The following PZP variants were observed in gnomAD, a reference collection of about 807,000 sequenced individuals.
PZP encodes the protein pregnancy zone protein.
Under a neutral mutation model 179.8 loss-of-function variants are expected in PZP, and 150 were observed. The ratio of observed to expected loss-of-function variants is 0.83; its 90% CI spans 0.73 to 0.96. The LOEUF is 0.96. Among genes scored for constraint, PZP ranks in the 40% least tolerant of loss-of-function variants. The probability of loss-of-function intolerance (pLI) is 0.00; values close to 1 mark genes in which losing one functional copy is unlikely to be tolerated. For synonymous variants in PZP, 624 were observed against 652.3 expected (o/e 0.96, Z 0.66); for missense variants, 1,689 against 1,764.0 (o/e 0.96, Z 0.76).
chr12:9,202,581 G>A lies in PZP; in HGVS notation c.371C>T (p.Thr124Ile), dbSNP rs1359656480. The change falls in exon 3 of 36, where the codon ACC becomes ATC. Residue 124 changes from threonine (T) to isoleucine (I), a missense_variant. Transcript: ENST00000261336. The stretch of plus-strand genomic sequence containing the variant: ...TGTCTGGACAAAGACCAGACTTTGG[G>A]TGTTCAGTACCAGAACTGTGTTCCT... ...RKRNTVLVLN[T>I]QSLVFVQTDK... The A allele has an allele frequency of 6.2e-6, 10 of 1,614,088 alleles. No homozygotes were observed. The highest frequency in any genetic ancestry group is 7.6e-6 in the Non-Finnish European group (9 of 1,180,006).
At position 9,157,219 on chromosome 12, in the gene PZP, T is replaced by C; in HGVS notation, c.3506A>G (p.Asn1169Ser). The change falls in exon 28 of 36, where the codon AAT becomes AGT. Residue 1169 changes from asparagine (N) to serine (S), a missense_variant. Asn to Ser is a conservative substitution (Grantham distance 46). Coordinates refer to ENST00000261336, the MANE Select transcript of PZP (RefSeq NM_002864.3). ...ATCAAGTGAGTTCAGTATTTCTCTA[T>C]TCTGATTTTGCTTTCCCAGTAGGGA... Reference protein sequence around the residue: ...AFSLLGKQNQNREILNSLDKE... With the variant: ...AFSLLGKQNQSREILNSLDKE... 6.2e-7 allele frequency: 1 copy of C among 1,614,148 alleles called. No homozygotes were observed. Among genetic ancestry groups the C allele is most frequent in the Non-Finnish European group, 8.5e-7 (1 of 1,180,010 alleles).
intron 27 of PZP, 85 bp downstream of exon 27, chr12:9,157,682 T>C: frequency 8.1e-7 from 1 of 1,238,574 alleles, no homozygotes; most frequent in Non-Finnish European, 1.2e-6. Context: ...AAAAGATACT[T>C]GAGACTCAAC....
intron 13 of PZP, among the ~76,000 whole-genome samples, chr12:9,189,050 A>G (rs981763454): frequency 1.3e-5 from 2 of 152,180 alleles, no homozygotes; most frequent in Non-Finnish European, 2.9e-5. Flanking sequence ...AAGAATCAAT[A>G]TCATGAAAAT....
intron 6 of PZP, 100 bp from the exon 7 acceptor site, chr12:9,200,548 G>T: frequency 2.2e-6 from 2 of 913,908 alleles, no homozygotes; most frequent in Non-Finnish European, 3.4e-6. Flanking sequence ...ATAACACTCT[G>T]AATGTTAGAT....
At chr12:9,157,905 T>C (rs1940878961) in intron 26 of PZP, 64 bp from the exon 27 acceptor site, 6 of 1,357,778 alleles carry the variant, frequency 4.4e-6, no homozygotes, top group Non-Finnish European at 6.3e-6. Flanking sequence ...TCTTCTGTTG[T>C]TTGATGGAAA....
At chr12:9,179,731 T>C (rs905256498) in intron 15 of PZP, among the ~76,000 whole-genome samples, 62 of 152,190 alleles carry the variant, frequency 4.1e-4, no homozygotes, top group African/African-American at 1.4e-3. Flanking sequence ...AACTAATACT[T>C]TGGCAACACA....
At chr12:9,198,883 A>G (rs1943992842) in intron 7 of PZP, among the ~76,000 whole-genome samples, 1 of 152,160 alleles carries the variant, frequency 6.6e-6, no homozygotes, top group Non-Finnish European at 1.5e-5. Flanking sequence ...TGAGGCAGAG[A>G]TCTAGGCGTT....
At chr12:9,181,866 T>G (rs1384396633) in intron 14 of PZP, 109 bp downstream of exon 14, 22 of 1,242,908 alleles carry the variant, frequency 1.8e-5, no homozygotes, top group Non-Finnish European at 2.3e-5. Context: ...TTGGGAACTG[T>G]TGGGCAACTC....
At chr12:9,183,199 T>C (rs1942887173) in intron 13 of PZP, among the ~76,000 whole-genome samples, 2 of 152,216 alleles carry the variant, frequency 1.3e-5, no homozygotes, top group Admixed American at 6.5e-5. Context: ...AGGCTAGCTA[T>C]CTAACACACA....
chr12:9,149,785 T>C (rs1167985260), intron 34 of PZP, among the ~76,000 whole-genome samples, 183 bp from the exon 35 acceptor site: 1 of 152,226 alleles, frequency 6.6e-6, no homozygotes, highest in East Asian at 1.9e-4. Context: ...TCCCTGAGAC[T>C]GGAGATGGGG....
At position 9,157,159 on chromosome 12, in the gene PZP, T is replaced by A. The variant is rs1592449717; in HGVS notation, c.3550+16A>T. ...TGTGTTCTCATTGTTCAGCTCCCAC[T>A]TATAAGTGCTCTCACCTTCTTTCAC... On this transcript the variant is annotated intron_variant, in intron 28 of 35. Coordinates refer to ENST00000261336, the MANE Select transcript of PZP (RefSeq NM_002864.3). The A allele has an allele frequency of 6.2e-7, 1 of 1,608,492 alleles. No individual in the cohort carries two copies. The highest frequency in any genetic ancestry group is 2.2e-5 in the East Asian group (1 of 44,826).
At chr12:9,194,487 C>T (rs375730452) in intron 10 of PZP, among the ~76,000 whole-genome samples, 7 of 120,382 alleles carry the variant, frequency 5.8e-5, no homozygotes, top group African/African-American at 2.2e-4. Context: ...TTTTTTGAGA[C>T]GGAGTCTCGC....
the PZP span, among the ~76,000 whole-genome samples, chr12:9,140,276 A>T: frequency 6.6e-6 from 1 of 152,232 alleles, no homozygotes; most frequent in Admixed American, 6.5e-5. Flanking sequence ...GGGGGGGCCC[A>T]GGAATGGGAT....
chr12:9,165,273 C>T lies in PZP; in HGVS notation c.2353G>A (p.Gly785Ser), dbSNP rs767516739. 2.5e-6 allele frequency: 4 copies of T among 1,614,006 alleles called. No homozygotes were observed. In the Admixed American group the frequency reaches 6.7e-5, roughly 27 times the overall value. Residue 785 changes from glycine (G) to serine (S), a missense_variant, in exon 19 of 36, where the codon GGT becomes AGT. Physicochemically the swap from Gly to Ser is moderately conservative, Grantham distance 56. Transcript: ENST00000261336. The part of the protein sequence containing the change: ...AFCLSEDAGL[G>S]ISSTASLRAF... ...CGGAGAGAGGCAGTGGAAGAGATAC[C>T]AAGTCCAGCATCTTCGGACAGGCAG...
chr12:9,139,305 A>G, the PZP span, among the ~76,000 whole-genome samples: 2 of 152,080 alleles, frequency 1.3e-5, no homozygotes, highest in African/African-American at 2.4e-5. Flanking sequence ...TGTGATTTCA[A>G]TCTTTCTAAA....
chr12:9,193,044 A>C (rs1158221585), intron 11 of PZP, among the ~76,000 whole-genome samples: 2 of 152,242 alleles, frequency 1.3e-5, no homozygotes, highest in Non-Finnish European at 2.9e-5. Context: ...CAAGTGGAAA[A>C]GGGATTTTTC....
chr12:9,138,100 C>G, the PZP span, among the ~76,000 whole-genome samples: 9 of 152,080 alleles, frequency 5.9e-5, no homozygotes, highest in Non-Finnish European at 1.3e-4. Context: ...TGCTCCTGTT[C>G]TTAAAGGAAA....
At chr12:9,172,564 T>A (rs1942071876) in intron 15 of PZP, among the ~76,000 whole-genome samples, 6 of 152,086 alleles carry the variant, frequency 3.9e-5, no homozygotes, top group Admixed American at 3.3e-4. Flanking sequence ...CCAAGACCCA[T>A]CATCAGTATG....
chr12:9,141,758 T>C, the PZP span, among the ~76,000 whole-genome samples: 1 of 152,250 alleles, frequency 6.6e-6, no homozygotes, highest in African/African-American at 2.4e-5. Context: ...TGTTACACTG[T>C]TAACTTTTAG....
Sources: allele counts gnomAD v4.1 joint callset (sites outside exome capture counted in the v4.1 genomes callset), GRCh38; gene constraint gnomAD v4.1.1; transcripts MANE v1.5; gene names NCBI Gene and HGNC (gene_info 2026-07-23, HGNC 2026-07-21).